Variants in DZIP3 observed in about 807,000 individuals in gnomAD.
DZIP3 encodes DAZ interacting zinc finger protein 3, also known as E3 ubiquitin-protein ligase DZIP3.
A neutral mutation model predicts 162.0 loss-of-function variants in DZIP3; 118 were observed. The observed-to-expected ratio is 0.73, with a 90% CI of 0.63 to 0.85. DZIP3 has a LOEUF of 0.85. Ranked by LOEUF, DZIP3 falls within the 40% of genes least tolerant of loss-of-function variation. The pLI is 0.00. For missense variants in DZIP3, 1,331 were observed against 1,407.0 expected (o/e 0.95, Z 0.86); for synonymous variants, 438 against 458.6 (o/e 0.96, Z 0.57).
At chr3:108,650,636 A>T (rs1942821516) in intron 17 of DZIP3, among the ~76,000 whole-genome samples, 1 of 151,700 alleles carries the variant, frequency 6.6e-6, no homozygotes, top group South Asian at 2.1e-4. Flanking sequence ...TCTTCTTAAC[A>T]CTTCTTTTTC....
At chr3:108,598,844 A>G (rs1010111425) in intron 1 of DZIP3, among the ~76,000 whole-genome samples, 4 of 152,164 alleles carry the variant, frequency 2.6e-5, no homozygotes, top group African/African-American at 4.8e-5. Context: ...ACGTTTCTGA[A>G]GAGTGTGGTT....
At position 108,684,221 on chromosome 3, in the gene DZIP3, G is replaced by A; in HGVS notation, c.2889G>A (p.Gln963=). ...PPPPSPEILM[Q]QFLGRPLVKE... ...GTTTATATTTTCTATTTTAGATGCA[G>A]CAGTTCTTAGGAAGACCTCTTGTGA... The change falls in exon 27 of 33, where the codon CAG becomes CAA. Residue 963 remains glutamine, a synonymous_variant. Transcript: ENST00000361582. The A allele has an allele frequency of 6.2e-7, 1 of 1,608,056 alleles. No homozygotes were observed. Among genetic ancestry groups the A allele is most frequent in the South Asian group, 1.1e-5 (1 of 90,030 alleles).
intron 27 of DZIP3, among the ~76,000 whole-genome samples, 164 bp from the exon 28 acceptor site, chr3:108,686,281 A>G (rs1944494538): frequency 6.6e-6 from 1 of 152,198 alleles, no homozygotes; most frequent in African/African-American, 2.4e-5. Context: ...TATTTTTAAA[A>G]TAAGTTTAAA....
chr3:108,653,347 T>C (rs1942947365), intron 18 of DZIP3, among the ~76,000 whole-genome samples: 1 of 151,474 alleles, frequency 6.6e-6, no homozygotes, highest in Admixed American at 6.6e-5. Context: ...TAGAGTCATA[T>C]CACACTCTAA....
At chr3:108,604,174 G>A (rs1286161503) in intron 1 of DZIP3, among the ~76,000 whole-genome samples, 2 of 152,168 alleles carry the variant, frequency 1.3e-5, no homozygotes, top group African/African-American at 4.8e-5. Context: ...TTATGGAATT[G>A]TATTAAATAT....
intron 23 of DZIP3, 90 bp downstream of exon 23, chr3:108,672,746 T>C: frequency 9.5e-7 from 1 of 1,055,208 alleles, no homozygotes; most frequent in Non-Finnish European, 1.4e-6. Context: ...AAGATTGTTT[T>C]TTGTATAAAC....
chr3:108,647,850 T>C (rs1267496673), intron 15 of DZIP3, 93 bp from the exon 16 acceptor site: 2 of 999,558 alleles, frequency 2.0e-6, no homozygotes, highest in East Asian at 5.2e-5. Context: ...TTCTGTTTTG[T>C]GAATGTTGCT....
chr3:108,650,491 G>C lies in DZIP3; in HGVS notation c.2008-646G>C, dbSNP rs536494074. On this transcript the variant is annotated intron_variant, in intron 17 of 32. Transcript: ENST00000361582. ...AGTTTCTTGTATGCAAGAGATGGTA[G>C]AAAGTAATACTGTAATACTCTTAGT... Among the ~76,000 whole-genome samples the C allele has an allele frequency of 1.1e-4, 17 of 151,822 alleles. No individual in the cohort carries two copies. In the East Asian group the frequency reaches 3.3e-3, roughly 29 times the overall value.
At chr3:108,597,317 G>A (rs1219793572) in intron 1 of DZIP3, among the ~76,000 whole-genome samples, 2 of 151,422 alleles carry the variant, frequency 1.3e-5, no homozygotes, top group Non-Finnish European at 2.9e-5. Context: ...TGAATATTTT[G>A]AGTATATATT....
At chr3:108,595,509 C>T (rs1939668384) in intron 1 of DZIP3, among the ~76,000 whole-genome samples, 2 of 152,136 alleles carry the variant, frequency 1.3e-5, no homozygotes, top group Admixed American at 6.6e-5. Context: ...GCCACCACAC[C>T]CACCTGTAAA....
intron 7 of DZIP3, 64 bp from the exon 8 acceptor site, chr3:108,628,998 C>A (rs1301975944): frequency 6.1e-6 from 6 of 982,588 alleles, no homozygotes; most frequent in African/African-American, 5.1e-5. Flanking sequence ...TTTGTTGTCT[C>A]ATTGGTAAAC....
chr3:108,630,186 G>C (rs549713277), intron 8 of DZIP3, among the ~76,000 whole-genome samples: 3 of 151,958 alleles, frequency 2.0e-5, no homozygotes, highest in Admixed American at 6.6e-5. Context: ...TAACCCATCT[G>C]ATAAACCATT....
At position 108,644,720 on chromosome 3, in the gene DZIP3, T is replaced by G; in HGVS notation, c.1698T>G (p.Ser566=). 1.2e-6 allele frequency: 2 copies of G among 1,612,052 alleles called. No individual in the cohort carries two copies. The highest frequency in any genetic ancestry group is 1.7e-6 in the Non-Finnish European group (2 of 1,179,840). ...TCTCCCTTGATTACCATCAGCTATC[T>G]GTCTACCTAGGCATACCAGTACCAG... ...ENISLDYHQL[S]VYLGIPVPEI... is the part of the protein sequence containing the mutation. Residue 566 remains serine (S), a synonymous_variant, in exon 14 of 33, where the codon TCT becomes TCG. Transcript: ENST00000361582.
At chr3:108,647,667 C>T (rs1942690555) in intron 15 of DZIP3, among the ~76,000 whole-genome samples, 1 of 152,134 alleles carries the variant, frequency 6.6e-6, no homozygotes, top group Admixed American at 6.6e-5. Context: ...TTAGAGTCTA[C>T]TTATGTTCTA....
At chr3:108,664,790 T>C (rs1427136493) in intron 21 of DZIP3, among the ~76,000 whole-genome samples, 1 of 152,222 alleles carries the variant, frequency 6.6e-6, no homozygotes, top group Non-Finnish European at 1.5e-5. Flanking sequence ...GCTGATCTTA[T>C]ATTCCACTTG....
intron 19 of DZIP3, among the ~76,000 whole-genome samples, chr3:108,660,557 C>T (rs897712639): frequency 6.6e-6 from 1 of 152,124 alleles, no homozygotes; most frequent in Admixed American, 6.5e-5. Flanking sequence ...CTAGGCAATA[C>T]CATTCAGGAC....
Position 108,662,211 on chromosome 3 carries a change from G to T in DZIP3, c.2377G>T (p.Ala793Ser), listed in dbSNP as rs371443589. The change falls in exon 21 of 33, where the codon GCA becomes TCA. Residue 793 changes from alanine (A) to serine (S), a missense_variant. Physicochemically the swap from Ala to Ser is moderately conservative, Grantham distance 99. Transcript: ENST00000361582. Reference sequence around the variant, plus strand: ...GATTAAAAAGAAAGACAAAATTATCGCATCTCTTAATCAACAAGTTGCTTT... The same window carrying T: ...GATTAAAAAGAAAGACAAAATTATCTCATCTCTTAATCAACAAGTTGCTTT... ...MQIKKKDKII[A>S]SLNQQVAFGI... 5.5e-5 allele frequency: 89 copies of T among 1,606,152 alleles called. No individual in the cohort carries two copies. The highest frequency in any genetic ancestry group is 7.4e-5 in the Non-Finnish European group (87 of 1,178,046).
intron 19 of DZIP3, among the ~76,000 whole-genome samples, chr3:108,660,997 G>T (rs1227921830): frequency 9.8e-5 from 15 of 152,298 alleles, no homozygotes; most frequent in African/African-American, 3.6e-4. Context: ...AGGTGCTGGA[G>T]AGGATATGGA....
At chr3:108,595,034 C>T (rs1195763650) in intron 1 of DZIP3, among the ~76,000 whole-genome samples, 1 of 152,078 alleles carries the variant, frequency 6.6e-6, no homozygotes, top group Admixed American at 6.5e-5. Flanking sequence ...TTATTGAATG[C>T]CAGTTCTTTT....
Sources: gnomAD v4.1 joint callset for allele counts (sites outside exome capture counted in the v4.1 genomes callset) on GRCh38, gnomAD v4.1.1 for gene constraint, MANE v1.5 for transcripts, NCBI Gene and HGNC (gene_info 2026-07-23, HGNC 2026-07-21) for gene names.